Variants in LRBA observed in about 807,000 individuals in gnomAD.
LRBA encodes lipopolysaccharide-responsive and beige-like anchor protein.
A neutral mutation model predicts 330.0 loss-of-function variants in LRBA; 176 were observed. That is an observed-to-expected ratio of 0.53 (90% confidence interval 0.47 to 0.60). LRBA has a LOEUF of 0.60. Among genes scored for constraint, LRBA ranks in the 20% least tolerant of loss-of-function variants. LRBA has a pLI of 0.00. For synonymous variants in LRBA, 1,230 were observed against 1,193.0 expected, an observed-to-expected ratio of 1.03 and a Z score of -0.64; for missense variants, 3,259 against 3,444.8, an observed-to-expected ratio of 0.95 and a Z score of 1.35.
At chr4:150,499,157 T>C (rs1759935709) in intron 40 of LRBA, among the ~76,000 whole-genome samples, 1 of 152,200 alleles carries the variant, frequency 6.6e-6, no homozygotes, top group Non-Finnish European at 1.5e-5. Flanking sequence ...TGCACCTTTA[T>C]GCCAACAATA....
At chr4:150,781,994 C>A (rs1400794140) in intron 34 of LRBA, among the ~76,000 whole-genome samples, 2 of 152,016 alleles carry the variant, frequency 1.3e-5, no homozygotes, top group Non-Finnish European at 2.9e-5. Context: ...GCAGCCTTGA[C>A]CCCCCTGGGT....
chr4:150,404,836 T>C (rs529343142), intron 47 of LRBA, among the ~76,000 whole-genome samples: 2 of 152,236 alleles, frequency 1.3e-5, no homozygotes, highest in African/African-American at 4.8e-5. Flanking sequence ...ACCATGGATG[T>C]AGCATATATT....
At chr4:150,499,555 G>C (rs1409715418) in intron 40 of LRBA, among the ~76,000 whole-genome samples, 1 of 152,030 alleles carries the variant, frequency 6.6e-6, no homozygotes, top group African/African-American at 2.4e-5. Context: ...TGGGAGGACT[G>C]CTCGAGCCCA....
intron 38 of LRBA, among the ~76,000 whole-genome samples, chr4:150,595,837 A>G (rs1473841526): frequency 6.6e-6 from 1 of 151,890 alleles, no homozygotes; most frequent in Non-Finnish European, 1.5e-5. Flanking sequence ...TTCCTTCTAC[A>G]TCTAAAATGC....
intron 56 of LRBA, among the ~76,000 whole-genome samples, chr4:150,272,487 G>C (rs1746238656): frequency 6.6e-6 from 1 of 151,856 alleles, no homozygotes; most frequent in Admixed American, 6.6e-5. Context: ...AACAGAAGTA[G>C]GCTTCAGAAG....
intron 35 of LRBA, among the ~76,000 whole-genome samples, chr4:150,736,206 C>A (rs1731161564): frequency 6.6e-6 from 1 of 152,116 alleles, no homozygotes; most frequent in Non-Finnish European, 1.5e-5. Flanking sequence ...TAATCAGAAA[C>A]CAAAAGGAAG....
At chr4:150,871,636 G>GCTAA (rs771511159) in intron 18 of LRBA, among the ~76,000 whole-genome samples, 183 bp from the exon 19 acceptor site, 100 of 151,730 alleles carry the variant, frequency 6.6e-4, no homozygotes, top group Middle Eastern at 6.8e-3. Flanking sequence ...GCAGAGAAAT[G>GCTAA]CTAACTATAT....
chr4:150,536,353 G>A (rs1428488505), intron 40 of LRBA, among the ~76,000 whole-genome samples: 3 of 152,154 alleles, frequency 2.0e-5, no homozygotes, highest in Non-Finnish European at 4.4e-5. Flanking sequence ...GTCTTTGTAG[G>A]AAAACATATT....
intron 30 of LRBA, among the ~76,000 whole-genome samples, chr4:150,817,691 C>A (rs1744812064): frequency 6.6e-6 from 1 of 150,904 alleles, no homozygotes; most frequent in African/African-American, 2.4e-5. Flanking sequence ...GTATACAACC[C>A]AGTTTTTCAT....
At chr4:150,573,406 C>G (rs1770118370) in intron 40 of LRBA, among the ~76,000 whole-genome samples, 1 of 152,198 alleles carries the variant, frequency 6.6e-6, no homozygotes, top group Admixed American at 6.6e-5. Context: ...TGCCCATCAA[C>G]AACTCCTTTT....
chr4:150,696,127 G>A (rs1306788892), intron 36 of LRBA, among the ~76,000 whole-genome samples: 1 of 152,068 alleles, frequency 6.6e-6, no homozygotes, highest in Admixed American at 6.6e-5. Flanking sequence ...CTACTTGGGA[G>A]GATGAGGCGG....
intron 48 of LRBA, among the ~76,000 whole-genome samples, chr4:150,327,408 G>A (rs756763769): frequency 3.9e-5 from 6 of 152,122 alleles, no homozygotes; most frequent in Non-Finnish European, 5.9e-5. Flanking sequence ...CAAGAGTGCA[G>A]CCTGGACAAG....
At chr4:150,870,742 T>C (rs1753331433) in intron 19 of LRBA, 136 bp from the exon 20 acceptor site, 1 of 522,160 alleles carries the variant, frequency 1.9e-6, no homozygotes, top group Non-Finnish European at 3.4e-6. Context: ...AGTCCAATAT[T>C]GTCATGCTAA....
At chr4:150,480,300 T>A (rs1191658260) in intron 42 of LRBA, among the ~76,000 whole-genome samples, 1 of 152,162 alleles carries the variant, frequency 6.6e-6, no homozygotes, top group Admixed American at 6.6e-5. Context: ...CTTATTAGGT[T>A]ACTTTCAACT....
intron 30 of LRBA, 141 bp downstream of exon 30, chr4:150,828,039 A>G: frequency 1.5e-6 from 1 of 655,918 alleles, no homozygotes; most frequent in Non-Finnish European, 2.6e-6. Context: ...TGATCAACAT[A>G]AGCTATTGGT....
At chr4:150,872,234 G>T (rs1430903742) in intron 18 of LRBA, among the ~76,000 whole-genome samples, 2 of 152,198 alleles carry the variant, frequency 1.3e-5, no homozygotes, top group African/African-American at 4.8e-5. Context: ...AGAACAAGAG[G>T]TAGAACATGA....
At position 150,277,306 on chromosome 4, in the gene LRBA, G is replaced by GA. The variant is rs533862061; in HGVS notation, c.8468+546dup. Among the ~76,000 whole-genome samples, 64 of 152,212 alleles carry GA rather than the reference G, an allele frequency of 4.2e-4. 1 individual carries two copies. In the East Asian group the frequency reaches 9.3e-3, roughly 22 times the overall value. ...GCCTAGGGGAGGGATAGCATTAGGA[G>GA]AAATACCTAATGTAGATGATGGGTT... On this transcript the variant is annotated intron_variant, in intron 56 of 56. Transcript: ENST00000651943.
chr4:150,948,798 A>G (rs1375660660), intron 2 of LRBA, among the ~76,000 whole-genome samples: 1 of 152,022 alleles, frequency 6.6e-6, no homozygotes, highest in African/African-American at 2.4e-5. Context: ...ACGTTTCACC[A>G]AAGAAGACAT....
intron 2 of LRBA, among the ~76,000 whole-genome samples, chr4:150,929,530 G>C (rs1158707256): frequency 6.6e-6 from 1 of 152,156 alleles, no homozygotes; most frequent in African/African-American, 2.4e-5. Flanking sequence ...CAAATTTTTG[G>C]TTTATTAAGC....
Sources: allele counts gnomAD v4.1 joint callset (sites outside exome capture counted in the v4.1 genomes callset), GRCh38; gene constraint gnomAD v4.1.1; transcripts MANE v1.5; gene names NCBI Gene and HGNC (gene_info 2026-07-23, HGNC 2026-07-21).